MCTP1: variants seen among roughly 807,000 people sequenced by gnomAD.
The protein encoded by MCTP1 is multiple C2 and transmembrane domain-containing protein 1.
In MCTP1, 69 loss-of-function variants were observed where a neutral mutation model predicts 120.6. The observed-to-expected ratio is 0.57, with a 90% CI of 0.47 to 0.70. The LOEUF is 0.70. Among genes scored for constraint, MCTP1 ranks in the 30% least tolerant of loss-of-function variants. The probability of loss-of-function intolerance (pLI) is 0.00; values close to 1 mark genes in which losing one functional copy is unlikely to be tolerated. For synonymous variants in MCTP1, 529 were observed against 493.1 expected (o/e 1.07, Z -0.96); for missense variants, 1,203 against 1,248.8 (o/e 0.96, Z 0.55).
intron 12 of MCTP1, among the ~76,000 whole-genome samples, chr5:94,875,931 C>T (rs1798775596): frequency 6.6e-6 from 1 of 152,076 alleles, no homozygotes; most frequent in Non-Finnish European, 1.5e-5. Context: ...TGGATGCTAA[C>T]ATCAGGTCTT....
chr5:94,752,279 A>T (rs1217643733), intron 19 of MCTP1, among the ~76,000 whole-genome samples: 1 of 151,234 alleles, frequency 6.6e-6, no homozygotes, highest in African/African-American at 2.4e-5. Flanking sequence ...TCTAACAATG[A>T]CAAAGTGGTG....
At chr5:95,215,669 C>G (rs1491000086) in intron 1 of MCTP1, among the ~76,000 whole-genome samples, 2 of 151,064 alleles carry the variant, frequency 1.3e-5, no homozygotes, top group Non-Finnish European at 2.9e-5. Flanking sequence ...TTTTTTCTGC[C>G]TGAAATATGG....
rs139353092 is a variant in MCTP1, at chr5:95,021,529, A to T, written c.721-4045T>A. Among the ~76,000 whole-genome samples, 828 of 151,980 alleles carry T rather than the reference A, an allele frequency of 5.4e-3. 4 individuals carry two copies. The highest frequency in any genetic ancestry group is 8.7e-3 in the Non-Finnish European group (590 of 67,900). ...ATCTTATTTTTCTTCTTTCGTCTCT[A>T]TCTAGCTTAATTTATTCTTGGGTAT... On this transcript the variant is annotated intron_variant, in intron 1 of 22. Transcript: ENST00000515393.
At chr5:94,796,037 T>A (rs1424083170) in intron 18 of MCTP1, among the ~76,000 whole-genome samples, 1 of 152,216 alleles carries the variant, frequency 6.6e-6, no homozygotes, top group Non-Finnish European at 1.5e-5. Context: ...AGAAACACTT[T>A]CCTGTTTGGT....
At chr5:94,804,612 G>T (rs1034464864) in intron 17 of MCTP1, among the ~76,000 whole-genome samples, 5 of 152,066 alleles carry the variant, frequency 3.3e-5, no homozygotes, top group Non-Finnish European at 7.4e-5. Context: ...CTAATTTTTT[G>T]TATTTTTAGT....
At chr5:95,211,463 A>C (rs368161178) in intron 1 of MCTP1, among the ~76,000 whole-genome samples, 3 of 152,134 alleles carry the variant, frequency 2.0e-5, no homozygotes, top group Non-Finnish European at 2.9e-5. Flanking sequence ...CCAGTTGATC[A>C]CATCGGCTCC....
chr5:94,879,848 A>C (rs1405818479), intron 12 of MCTP1, among the ~76,000 whole-genome samples: 1 of 152,152 alleles, frequency 6.6e-6, no homozygotes, highest in Non-Finnish European at 1.5e-5. Context: ...AAGCTAATGG[A>C]AATAGGTAAA....
At chr5:95,129,866 G>A (rs1179113478) in intron 1 of MCTP1, among the ~76,000 whole-genome samples, 1 of 152,004 alleles carries the variant, frequency 6.6e-6, no homozygotes, top group East Asian at 1.9e-4. Context: ...TCGCTGTGTT[G>A]GCCAGACTGG....
chr5:94,856,340 A>T (rs887300420), intron 17 of MCTP1, among the ~76,000 whole-genome samples: 1 of 151,816 alleles, frequency 6.6e-6, no homozygotes, highest in African/African-American at 2.4e-5. Flanking sequence ...CACTTAAATC[A>T]TATTTCCATA....
intron 1 of MCTP1, among the ~76,000 whole-genome samples, chr5:95,150,665 T>C (rs1303868793): frequency 6.6e-6 from 1 of 152,238 alleles, no homozygotes; most frequent in Non-Finnish European, 1.5e-5. Flanking sequence ...TAGTATTATG[T>C]GGCATTCTTT....
At chr5:95,127,910 G>A (rs1164974855) in intron 1 of MCTP1, among the ~76,000 whole-genome samples, 1 of 152,158 alleles carries the variant, frequency 6.6e-6, no homozygotes, top group Non-Finnish European at 1.5e-5. Flanking sequence ...AGGCAGGGAG[G>A]AGAGAAAGAC....
chr5:95,277,990 T>C (rs1258073289), intron 1 of MCTP1, among the ~76,000 whole-genome samples: 1 of 151,944 alleles, frequency 6.6e-6, no homozygotes, highest in Non-Finnish European at 1.5e-5. Context: ...TTCCATATTG[T>C]AGTATGGAAT....
At chr5:94,883,850 T>C (rs1415059740) in intron 12 of MCTP1, among the ~76,000 whole-genome samples, 1 of 152,234 alleles carries the variant, frequency 6.6e-6, no homozygotes. Context: ...CTTAAGCTAT[T>C]TGCTAGCGTA....
Position 94,704,979 on chromosome 5 carries a change from A to G in MCTP1, c.*2517T>C, listed in dbSNP as rs1754198344. 6.6e-6 allele frequency: 1 copy of G among 151,306 alleles called. No individual in the cohort carries two copies. The highest frequency in any genetic ancestry group is 1.5e-5 in the Non-Finnish European group (1 of 67,554). The allele number at this position is 151,306 out of a possible 1,614,324, so 9.4% of individuals were successfully genotyped here. On this transcript the variant is annotated 3_prime_UTR_variant, in exon 23 of 23. Transcript: ENST00000515393. Reference sequence around the variant, plus strand: ...TTAAAAGCACAAATACGCATTTCTTATGAATTATCACAACGAATGTCAGTA... The same window carrying G: ...TTAAAAGCACAAATACGCATTTCTTGTGAATTATCACAACGAATGTCAGTA...
intron 1 of MCTP1, among the ~76,000 whole-genome samples, chr5:95,229,834 T>C (rs1442185325): frequency 6.6e-6 from 1 of 152,146 alleles, no homozygotes; most frequent in Non-Finnish European, 1.5e-5. Context: ...AGCCTGTGTC[T>C]ACATACTTCT....
At chr5:95,226,512 A>G (rs535616870) in intron 1 of MCTP1, among the ~76,000 whole-genome samples, 1 of 152,254 alleles carries the variant, frequency 6.6e-6, no homozygotes, top group African/African-American at 2.4e-5. Context: ...GTGGCCACAC[A>G]TCCACTGCCA....
At chr5:94,888,296 A>C (rs970158388) in intron 12 of MCTP1, among the ~76,000 whole-genome samples, 8 of 152,224 alleles carry the variant, frequency 5.3e-5, no homozygotes, top group African/African-American at 1.9e-4. Context: ...AAGCTTTAAG[A>C]GACAAAACTA....
At position 95,283,858 on chromosome 5, in the gene MCTP1, G is replaced by T; in HGVS notation, c.718C>A (p.Gln240Lys). 7.3e-7 allele frequency: 1 copy of T among 1,368,534 alleles called. No individual in the cohort carries two copies. Among genetic ancestry groups the T allele is most frequent in the Non-Finnish European group, 9.4e-7 (1 of 1,069,378 alleles). The allele number at this position is 1,368,534 out of a possible 1,614,324, so 84.8% of individuals were successfully genotyped here. ...CCGGCCGCGCCACCGGCACTCACCT[G>T]GCTGCTGCCGTGCTCCTCGCCCGTC... ...PETGEEHGSS[Q>K]KIINTAGTSN... is the part of the protein sequence containing the mutation. Residue 240 changes from glutamine (Q) to lysine (K), a missense_variant and splice_region_variant, in exon 1 of 23, where the codon CAG becomes AAG. This residue lies in a region of MCTP1 where 463 missense variants were observed against 377.8 expected (regional missense o/e 1.23). Coordinates refer to ENST00000515393, the MANE Select transcript of MCTP1 (RefSeq NM_024717.7).
intron 17 of MCTP1, among the ~76,000 whole-genome samples, chr5:94,848,672 A>G (rs1279340594): frequency 6.6e-6 from 1 of 152,090 alleles, no homozygotes; most frequent in African/African-American, 2.4e-5. Context: ...AGTTTTATTG[A>G]CAAAGGTGGT....
Sources: allele counts gnomAD v4.1 joint callset (sites outside exome capture counted in the v4.1 genomes callset), GRCh38; gene constraint gnomAD v4.1.1; regional missense constraint gnomAD v4.1.1; transcripts MANE v1.5; gene names NCBI Gene and HGNC (gene_info 2026-07-23, HGNC 2026-07-21).